Variants in KIAA1549 observed in about 807,000 individuals in gnomAD.
KIAA1549 encodes KIAA1549, also known as UPF0606 protein KIAA1549.
In KIAA1549, 70 loss-of-function variants were observed where a neutral mutation model predicts 156.4. That is an observed-to-expected ratio of 0.45 (90% CI 0.37 to 0.55). The LOEUF is 0.55. Ranked by LOEUF, KIAA1549 falls within the 20% of genes least tolerant of loss-of-function variation. The pLI, the probability that KIAA1549 is intolerant of heterozygous loss-of-function variation, is 0.00. For synonymous variants in KIAA1549, 1,103 were observed against 1,066.4 expected, an observed-to-expected ratio of 1.03 and a Z score of -0.67; for missense variants, 2,428 against 2,540.9, an observed-to-expected ratio of 0.96 and a Z score of 0.96.
chr7:138,934,934 T>C lies in KIAA1549; in HGVS notation c.188-15496A>G, dbSNP rs1286426235. ...TCAGCACTGGCAAAATACAATCCCATCCAGAGAGGGATAATGGGGCCAAAG... is the reference window on the plus strand; with the variant it reads ...TCAGCACTGGCAAAATACAATCCCACCCAGAGAGGGATAATGGGGCCAAAG... On this transcript the variant is annotated intron_variant, in intron 1 of 19. Transcript: ENST00000422774. Among the ~76,000 whole-genome samples the C allele has an allele frequency of 2.0e-5, 3 of 151,968 alleles. No homozygotes were observed. The East Asian group carries it at 5.8e-4, about 29-fold the overall frequency.
intron 1 of KIAA1549, among the ~76,000 whole-genome samples, chr7:138,920,892 T>G (rs907025660): frequency 1.3e-5 from 2 of 152,260 alleles, no homozygotes; most frequent in Non-Finnish European, 1.5e-5. Context: ...ATCTTGAAAC[T>G]GTCTACTTCA....
At chr7:138,897,603 C>T (rs983057753) in intron 9 of KIAA1549, among the ~76,000 whole-genome samples, 3 of 152,018 alleles carry the variant, frequency 2.0e-5, no homozygotes, top group African/African-American at 7.3e-5. Context: ...AGGAAAAACA[C>T]TGACATTAAA....
At chr7:138,912,518 A>C in intron 2 of KIAA1549, 58 bp from the exon 3 acceptor site, 2 of 1,408,478 alleles carry the variant, frequency 1.4e-6, no homozygotes, top group Non-Finnish European at 2.0e-6. Flanking sequence ...TAACAAACAC[A>C]CCAGACTTCT....
At chr7:138,861,727 C>T (rs1339147809) in intron 15 of KIAA1549, among the ~76,000 whole-genome samples, 1 of 151,030 alleles carries the variant, frequency 6.6e-6, no homozygotes, top group African/African-American at 2.4e-5. Context: ...AGAAATTAGC[C>T]AGGTGTGGTG....
Position 138,908,995 on chromosome 7 carries a change from A to G in KIAA1549, c.3272T>C (p.Val1091Ala). Residue 1091 changes from valine to alanine, a missense_variant, in exon 5 of 20, where the codon GTG (valine) becomes GCG (alanine). Physicochemically the swap from Val to Ala is moderately conservative, Grantham distance 64. Coordinates refer to ENST00000422774, the MANE Select transcript of KIAA1549 (RefSeq NM_001164665.2). ...TGCATTCAGTGATATTCTCACCTGCACCGTGAGGTTATACGTTCCCTGGTG... is the reference window on the plus strand; with the variant it reads ...TGCATTCAGTGATATTCTCACCTGCGCCGTGAGGTTATACGTTCCCTGGTG... Reference protein sequence around the residue: ...KHHQGTYNLTVQILNITISSS... With the variant: ...KHHQGTYNLTAQILNITISSS... 6.2e-7 allele frequency: 1 copy of G among 1,613,998 alleles called. No homozygotes were observed. Among genetic ancestry groups the G allele is most frequent in the African/African-American group, 1.3e-5 (1 of 75,054 alleles).
rs1812330536 is a variant in KIAA1549, at chr7:138,916,719, C to G, written c.2878+29G>C. On this transcript the variant is annotated intron_variant, in intron 2 of 19. Coordinates refer to ENST00000422774, the MANE Select transcript of KIAA1549 (RefSeq NM_001164665.2). ...AGCTCCTTAGAAAGATTGCCCACCC[C>G]AGAGAGGCGGCAGGAAGCTGGGCCT... The G allele has an allele frequency of 1.9e-6, 3 of 1,610,896 alleles. No individual in the cohort carries two copies. The South Asian group carries it at 3.3e-5, about 18-fold the overall frequency.
intron 16 of KIAA1549, among the ~76,000 whole-genome samples, chr7:138,857,288 G>C (rs934090004): frequency 6.6e-6 from 1 of 152,042 alleles, no homozygotes; most frequent in Admixed American, 6.5e-5. Flanking sequence ...GGAGAACCCT[G>C]ATTATTTTAA....
intron 16 of KIAA1549, among the ~76,000 whole-genome samples, chr7:138,857,321 GGATA>G (rs1192624546): frequency 6.6e-6 from 1 of 152,086 alleles, no homozygotes; most frequent in African/African-American, 2.4e-5. Context: ...ACATATGAAT[GGATA>G]AACAAATGTG....
chr7:138,904,361 C>T (rs115213596), intron 7 of KIAA1549, among the ~76,000 whole-genome samples: 1,532 of 152,256 alleles, frequency 0.01, 32 homozygotes, highest in African/African-American at 0.035. Context: ...GAAAAGACCG[C>T]GGATGGCACC....
Position 138,917,388 on chromosome 7 carries a change from T to C in KIAA1549, c.2238A>G (p.Ser746=), listed in dbSNP as rs755627145. The part of the protein sequence containing the change: ...SLTDSEAHFT[S]AFIETTSYLE... ...GATAGGAGGTAGTTTCAATGAAAGCTGAGGTAAAATGAGCTTCTGAATCCG... is the reference window on the plus strand; with the variant it reads ...GATAGGAGGTAGTTTCAATGAAAGCCGAGGTAAAATGAGCTTCTGAATCCG... The change falls in exon 2 of 20, where the codon TCA becomes TCG. Residue 746 remains serine (S), a synonymous_variant. Transcript: ENST00000422774. 5.5e-5 allele frequency: 89 copies of C among 1,613,786 alleles called. No individual in the cohort carries two copies. Among genetic ancestry groups the C allele is most frequent in the Non-Finnish European group, 7.5e-5 (88 of 1,179,846 alleles).
chr7:138,880,451 A>T (rs943351714), intron 11 of KIAA1549, among the ~76,000 whole-genome samples: 1 of 152,336 alleles, frequency 6.6e-6, no homozygotes, highest in African/African-American at 2.4e-5. Context: ...TTTTGTAAAG[A>T]TCATGTTCTG....
At chr7:138,944,487 T>A (rs1813284748) in intron 1 of KIAA1549, among the ~76,000 whole-genome samples, 1 of 152,218 alleles carries the variant, frequency 6.6e-6, no homozygotes, top group African/African-American at 2.4e-5. Context: ...GGCGGGGATC[T>A]GGTCTCTCAA....
At chr7:138,848,923 G>A (rs956235216) in intron 17 of KIAA1549, among the ~76,000 whole-genome samples, 1 of 152,088 alleles carries the variant, frequency 6.6e-6, no homozygotes, top group Non-Finnish European at 1.5e-5. Flanking sequence ...TTTTGAGACA[G>A]GGTCTCACTA....
chr7:138,881,243 G>A, intron 11 of KIAA1549, 145 bp downstream of exon 11: 1 of 727,456 alleles, frequency 1.4e-6, no homozygotes, highest in Non-Finnish European at 2.2e-6. Flanking sequence ...TTGGGCTCCT[G>A]TGTGACTTTG....
chr7:138,840,166 C>T lies in KIAA1549; in HGVS notation c.5565G>A (p.Ser1855=), dbSNP rs765103445. The part of the protein sequence containing the change: ...GSQYGGPGWP[S]YGEDEAGRRE... ...TTCGCCCCGCTTCGTCCTCCCCGTA[C>T]GAAGGCCAGCCTGGCCCCCCATACT... is the stretch of plus-strand genomic sequence containing the variant. Residue 1855 remains serine (S), a synonymous_variant, in exon 19 of 20, where the codon TCG becomes TCA. Coordinates refer to ENST00000422774, the MANE Select transcript of KIAA1549 (RefSeq NM_001164665.2). 9.6e-6 allele frequency: 15 copies of T among 1,555,984 alleles called. No individual in the cohort carries two copies. Among genetic ancestry groups the T allele is most frequent in the South Asian group, 7.1e-5 (6 of 84,212 alleles).
Position 138,869,778 on chromosome 7 carries a change from G to C in KIAA1549, c.4552-17C>G. ...GGTCTGAATCTGAGGAAGGGTGAGG[G>C]AGAGAAAGACAGCCATAGAGGTCCC... On this transcript the variant is annotated splice_polypyrimidine_tract_variant and intron_variant, in intron 13 of 19. Coordinates refer to ENST00000422774, the MANE Select transcript of KIAA1549 (RefSeq NM_001164665.2). 6.3e-7 allele frequency: 1 copy of C among 1,596,124 alleles called. No homozygotes were observed. The highest frequency in any genetic ancestry group is 8.5e-7 in the Non-Finnish European group (1 of 1,171,206).
intron 1 of KIAA1549, among the ~76,000 whole-genome samples, chr7:138,956,121 C>T (rs113532014): frequency 0.082 from 12,518 of 152,186 alleles, 568 homozygotes; most frequent in Admixed American, 0.096. Context: ...CTTGAACTCC[C>T]GACCTCAAGC....
Position 138,977,769 on chromosome 7 carries a change from G to A in KIAA1549, c.187+3314C>T, listed in dbSNP as rs146275447. Among the ~76,000 whole-genome samples, 431 of 151,716 alleles carry A rather than the reference G, an allele frequency of 2.8e-3. 4 individuals carry two copies. Among genetic ancestry groups the A allele is most frequent in the African/African-American group, 9.7e-3 (402 of 41,302 alleles). On this transcript the variant is annotated intron_variant, in intron 1 of 19. Transcript: ENST00000422774. Reference sequence around the variant, plus strand: ...GGCTGGAGTACAATGGCGCCATCTCGGCTCACTGCAACCTCTGCCTCCCTG... The same window carrying A: ...GGCTGGAGTACAATGGCGCCATCTCAGCTCACTGCAACCTCTGCCTCCCTG...
intron 1 of KIAA1549, among the ~76,000 whole-genome samples, chr7:138,920,607 C>T (rs1391988216): frequency 6.6e-6 from 1 of 152,172 alleles, no homozygotes; most frequent in Admixed American, 6.5e-5. Context: ...TAAGTTGAGG[C>T]CTCTCCACCG....
Sources: gnomAD v4.1 joint callset for allele counts (sites outside exome capture counted in the v4.1 genomes callset) on GRCh38, gnomAD v4.1.1 for gene constraint, MANE v1.5 for transcripts, NCBI Gene and HGNC (gene_info 2026-07-23, HGNC 2026-07-21) for gene names.